The following RORA variants were observed in gnomAD, a reference collection of about 807,000 sequenced individuals.
RORA encodes the protein RAR related orphan receptor A.
Under a neutral mutation model 69.5 loss-of-function variants are expected in RORA, and 7 were observed. The ratio of observed to expected loss-of-function variants is 0.10; its 90% confidence interval spans 0.06 to 0.19. The LOEUF is 0.19. RORA is among the 10% of genes least tolerant of loss of function. RORA has a pLI of 1.00. For synonymous variants in RORA, 261 were observed against 240.8 expected, an observed-to-expected ratio of 1.08 and a Z score of -0.78; for missense variants, 457 against 663.0, an observed-to-expected ratio of 0.69 and a Z score of 3.41.
chr15:60,599,591 C>CA (rs61196140), intron 2 of RORA, among the ~76,000 whole-genome samples: 128,525 of 152,116 alleles, frequency 0.84, 54,553 homozygotes, highest in East Asian at 1. Context: ...TGTAAAAGTA[C>CA]GAGACAGAAA....
intron 1 of RORA, among the ~76,000 whole-genome samples, chr15:60,687,586 C>T (rs1454359095): frequency 6.6e-6 from 1 of 152,120 alleles, no homozygotes; most frequent in African/African-American, 2.4e-5. Context: ...CCCATCTCTG[C>T]CAAAAAATAC....
intron 2 of RORA, among the ~76,000 whole-genome samples, chr15:60,664,774 T>A (rs547903963): frequency 4.0e-4 from 61 of 152,304 alleles, no homozygotes; most frequent in African/African-American, 1.4e-3. Flanking sequence ...AAATTAAAAT[T>A]AAAATAGATT....
At chr15:60,775,867 G>C (rs2072158456) in intron 1 of RORA, among the ~76,000 whole-genome samples, 1 of 152,174 alleles carries the variant, frequency 6.6e-6, no homozygotes, top group Non-Finnish European at 1.5e-5. Flanking sequence ...GTCCTTTCAT[G>C]GCTGGGTCAT....
chr15:60,617,446 C>G (rs936392038), intron 2 of RORA, among the ~76,000 whole-genome samples: 9 of 152,106 alleles, frequency 5.9e-5, no homozygotes, highest in Non-Finnish European at 1.2e-4. Flanking sequence ...GAAGCAACTG[C>G]GCAAAAGGCA....
In RORA at chr15:61,061,260, G is replaced by T. The variant is rs973367638; in HGVS notation, c.166+167793C>A. 2.6e-5 allele frequency among the ~76,000 whole-genome samples: 4 copies of T among 152,128 alleles called. No homozygotes were observed. The highest frequency in any genetic ancestry group is 4.8e-5 in the African/African-American group (2 of 41,418). ...CCCAGCTACTCGGGAGGCTGAGGCAGGAGAATGGCATGAGCTCGGGAGGCA... is the reference window on the plus strand; with the variant it reads ...CCCAGCTACTCGGGAGGCTGAGGCATGAGAATGGCATGAGCTCGGGAGGCA... On this transcript the variant is annotated intron_variant, in intron 1 of 10. Transcript: ENST00000335670. This position sits in a 1 kb window ranked among gnomAD's most constrained non-coding sequence, Gnocchi z 4.4.
intron 1 of RORA, among the ~76,000 whole-genome samples, chr15:60,825,907 CT>C (rs1304570891): frequency 6.6e-6 from 1 of 152,186 alleles, no homozygotes; most frequent in Non-Finnish European, 1.5e-5. Context: ...CCCCTTCTTC[CT>C]ATCACAGTTC....
At chr15:60,712,874 C>A (rs912220165) in intron 1 of RORA, among the ~76,000 whole-genome samples, 1 of 152,136 alleles carries the variant, frequency 6.6e-6, no homozygotes, top group African/African-American at 2.4e-5. Context: ...GGGAGAAAAA[C>A]CCTGAAGATG....
intron 2 of RORA, among the ~76,000 whole-genome samples, chr15:60,599,320 G>A (rs1296574282): frequency 2.0e-5 from 3 of 152,192 alleles, no homozygotes; most frequent in Non-Finnish European, 2.9e-5. Flanking sequence ...GGAGGCCAAG[G>A]TGGGCAGATC....
chr15:60,912,794 C>CA (rs11451989), intron 1 of RORA, among the ~76,000 whole-genome samples: 78,519 of 151,400 alleles, frequency 0.52, 21,456 homozygotes, highest in Middle Eastern at 0.63. Context: ...CAAAACACAA[C>CA]AAAAAAAATC....
At chr15:60,781,712 G>C (rs2072260391) in intron 1 of RORA, among the ~76,000 whole-genome samples, 1 of 152,164 alleles carries the variant, frequency 6.6e-6, no homozygotes, top group African/African-American at 2.4e-5. Flanking sequence ...CGGGCAACGG[G>C]GGAGCAGGAA....
At chr15:60,646,336 ATT>A (rs1475875532) in intron 2 of RORA, among the ~76,000 whole-genome samples, 51 of 152,166 alleles carry the variant, frequency 3.4e-4, no homozygotes, top group Non-Finnish European at 8.8e-5. Context: ...ACCTTCCCTG[ATT>A]CCCCAGGGAG....
chr15:61,001,443 G>A (rs1466702071), intron 1 of RORA, among the ~76,000 whole-genome samples: 1 of 152,228 alleles, frequency 6.6e-6, no homozygotes, highest in African/African-American at 2.4e-5. Flanking sequence ...AAACTAACGT[G>A]ATGTGCTGGG....
chr15:60,762,497 A>G (rs573194417), intron 1 of RORA, among the ~76,000 whole-genome samples: 1 of 152,252 alleles, frequency 6.6e-6, no homozygotes, highest in South Asian at 2.1e-4. Context: ...AGGACATATT[A>G]CAGCCAACTG....
At chr15:60,882,224 A>G (rs142452308) in intron 1 of RORA, among the ~76,000 whole-genome samples, 31 of 152,272 alleles carry the variant, frequency 2.0e-4, no homozygotes, top group Non-Finnish European at 4.1e-4. Context: ...TTCAGCCTAG[A>G]ATGGCATTCT....
At chr15:60,657,575 C>T (rs1338644577) in intron 2 of RORA, among the ~76,000 whole-genome samples, 5 of 152,184 alleles carry the variant, frequency 3.3e-5, no homozygotes, top group African/African-American at 1.2e-4. Context: ...GCTATGCCAG[C>T]GTGCAGACCC....
intron 1 of RORA, among the ~76,000 whole-genome samples, chr15:60,817,167 A>G (rs544861003): frequency 7.2e-4 from 110 of 152,338 alleles, no homozygotes; most frequent in African/African-American, 2.5e-3. Flanking sequence ...ATTTTGAAGT[A>G]CAGGCAAATG....
At chr15:60,976,561 G>A (rs969163810) in intron 1 of RORA, among the ~76,000 whole-genome samples, 3 of 152,148 alleles carry the variant, frequency 2.0e-5, no homozygotes, top group South Asian at 2.1e-4. Context: ...ATCAGACCAC[G>A]TGGATTTTCT....
At chr15:60,519,111 C>T (rs1014839604) in intron 3 of RORA, among the ~76,000 whole-genome samples, 13 of 152,054 alleles carry the variant, frequency 8.5e-5, no homozygotes, top group Non-Finnish European at 1.5e-4. Context: ...TGGGAGAAAA[C>T]AGTATCTAAA....
intron 1 of RORA, among the ~76,000 whole-genome samples, chr15:60,951,467 C>G (rs569997856): frequency 1.9e-4 from 29 of 150,870 alleles, no homozygotes; most frequent in Non-Finnish European, 3.7e-4. Context: ...AACAGAGACA[C>G]AAAAAACCCT....
Sources: allele counts gnomAD v4.1 joint callset (sites outside exome capture counted in the v4.1 genomes callset), GRCh38; gene constraint gnomAD v4.1.1; non-coding constraint Gnocchi (gnomAD v3.1); transcripts MANE v1.5; gene names NCBI Gene and HGNC (gene_info 2026-07-23, HGNC 2026-07-21).